The following USPL1 variants were observed in gnomAD, a reference collection of about 807,000 sequenced individuals.
The protein encoded by USPL1 is SUMO-specific isopeptidase USPL1.
In USPL1, 27 loss-of-function variants were observed where a neutral mutation model predicts 51.5. The ratio of observed to expected loss-of-function variants is 0.52; its 90% CI spans 0.39 to 0.72. The LOEUF (loss-of-function observed/expected upper bound fraction) is 0.72, where lower values mean the gene tolerates loss of function less well. Ranked by LOEUF, USPL1 falls within the 30% of genes least tolerant of loss-of-function variation. The pLI, the probability that USPL1 is intolerant of heterozygous loss-of-function variation, is 0.00. For missense variants in USPL1, 1,226 were observed against 1,268.0 expected (o/e 0.97, Z 0.50); for synonymous variants, 451 against 459.6 (o/e 0.98, Z 0.24).
intron 3 of USPL1, among the ~76,000 whole-genome samples, chr13:30,622,275 T>A (rs1336216175): frequency 6.6e-6 from 1 of 152,138 alleles, no homozygotes; most frequent in Non-Finnish European, 1.5e-5. Context: ...TTTTGGAAAT[T>A]GGTTAGTCCA....
chr13:30,658,245 CTAATT>C lies in USPL1; in HGVS notation c.2170_2174del (p.Asn724GlufsTer15), dbSNP rs1951195944. ...CCAGAACGTGTCACATCTCAGGTAT[CTAATT>C]TGAAGAAAAAAGAAACTACAGCAGA... On this transcript the variant is annotated frameshift_variant, in exon 9 of 9. Coordinates refer to ENST00000255304, the MANE Select transcript of USPL1 (RefSeq NM_005800.5). LOFTEE classifies it low-confidence loss of function (END_TRUNC). 1 of 1,612,432 alleles carries C rather than the reference CTAATT, an allele frequency of 6.2e-7. No individual in the cohort carries two copies. The highest frequency in any genetic ancestry group is 8.5e-7 in the Non-Finnish European group (1 of 1,179,752).
At chr13:30,651,551 A>G (rs1951092316) in intron 7 of USPL1, among the ~76,000 whole-genome samples, 1 of 152,238 alleles carries the variant, frequency 6.6e-6, no homozygotes, top group Non-Finnish European at 1.5e-5. Flanking sequence ...GTGTAAACTT[A>G]TGTAAAGGCA....
intron 2 of USPL1, 45 bp downstream of exon 2, chr13:30,621,284 T>TC: frequency 1.4e-6 from 2 of 1,409,070 alleles, no homozygotes; most frequent in South Asian, 1.3e-5. Flanking sequence ...TTTTTTTTTT[T>TC]CTCTATTTTT....
intron 4 of USPL1, among the ~76,000 whole-genome samples, chr13:30,636,832 A>G (rs1480689669): frequency 6.6e-6 from 1 of 152,204 alleles, no homozygotes; most frequent in African/African-American, 2.4e-5. Flanking sequence ...CCCAGGAGTT[A>G]ATGACCAGCC....
intron 3 of USPL1, among the ~76,000 whole-genome samples, chr13:30,623,525 T>A (rs1270172529): frequency 6.6e-6 from 1 of 152,048 alleles, no homozygotes; most frequent in Non-Finnish European, 1.5e-5. Context: ...TGAATTATAT[T>A]TGGTCCTTGT....
chr13:30,626,872 A>G (rs1950723890), intron 3 of USPL1, among the ~76,000 whole-genome samples: 1 of 152,042 alleles, frequency 6.6e-6, no homozygotes, highest in African/African-American at 2.4e-5. Context: ...AACCCATGAA[A>G]TTTATAATAA....
intron 4 of USPL1, among the ~76,000 whole-genome samples, chr13:30,631,817 A>G (rs1164042913): frequency 6.6e-6 from 1 of 152,116 alleles, no homozygotes; most frequent in African/African-American, 2.4e-5. Flanking sequence ...TAAAAATATT[A>G]ATGTTGAGTT....
Position 30,658,835 on chromosome 13 carries a change from C to G in USPL1, c.2758C>G (p.Leu920Val), listed in dbSNP as rs755447514. The G allele has an allele frequency of 2.5e-6, 4 of 1,613,928 alleles. No individual in the cohort carries two copies. The highest frequency in any genetic ancestry group is 3.4e-6 in the Non-Finnish European group (4 of 1,180,036). Residue 920 changes from leucine (L) to valine (V), a missense_variant, in exon 9 of 9, where the codon CTA becomes GTA. Physicochemically the swap from Leu to Val is conservative, Grantham distance 32. Coordinates refer to ENST00000255304, the MANE Select transcript of USPL1 (RefSeq NM_005800.5). Reference protein sequence around the residue: ...PQSRTVRSENLEQVPQDGSPN... With the variant: ...PQSRTVRSENVEQVPQDGSPN... ...AAGCAGAACAGTTCGAAGTGAAAATCTAGAACAGGTGCCCCAGGATGGGTC... is the reference window on the plus strand; with the variant it reads ...AAGCAGAACAGTTCGAAGTGAAAATGTAGAACAGGTGCCCCAGGATGGGTC...
intron 1 of USPL1, among the ~76,000 whole-genome samples, chr13:30,620,808 A>G (rs971096223): frequency 2.0e-5 from 3 of 152,190 alleles, no homozygotes; most frequent in African/African-American, 7.2e-5. Context: ...AGCTGCCTCT[A>G]CTACAAGTTT....
At position 30,647,014 on chromosome 13, in the gene USPL1, A is replaced by C. The variant is rs148072265; in HGVS notation, c.1195A>C (p.Asn399His). 220 of 1,613,544 alleles carry C rather than the reference A, an allele frequency of 1.4e-4. No individual in the cohort carries two copies. The African/African-American group carries it at 2.6e-3, about 19-fold the overall frequency. ...TGCTGCCCATTTTGGTCCATGTAAC[A>C]ATTGCAACAGTAAATCACAAATAAG... Reference protein sequence around the residue: ...LNAAHFGPCNNCNSKSQIRKM... With the variant: ...LNAAHFGPCNHCNSKSQIRKM... Residue 399 changes from asparagine to histidine, a missense_variant, in exon 7 of 9, where the codon AAT becomes CAT. By Grantham distance (68) the Asn-to-His change is moderately conservative (BLOSUM62 1). Coordinates refer to ENST00000255304, the MANE Select transcript of USPL1 (RefSeq NM_005800.5).
intron 8 of USPL1, 72 bp downstream of exon 8, chr13:30,653,377 G>T (rs2137714019): frequency 2.1e-6 from 3 of 1,419,464 alleles, no homozygotes; most frequent in Admixed American, 4.9e-5. Context: ...GGACTTTTTG[G>T]TTTTTGTTTT....
At chr13:30,625,983 A>C (rs1950710034) in intron 3 of USPL1, among the ~76,000 whole-genome samples, 1 of 152,074 alleles carries the variant, frequency 6.6e-6, no homozygotes, top group African/African-American at 2.4e-5. Flanking sequence ...TGTTTTTTAA[A>C]TGGTTAGGAA....
In USPL1 at chr13:30,658,662, A is replaced by C; in HGVS notation, c.2585A>C (p.Gln862Pro). ...TCTGGAAGCACCTCATGTGGAGCTCAACTCAACCACAGTTCTTATGGGAAT... is the reference window on the plus strand; with the variant it reads ...TCTGGAAGCACCTCATGTGGAGCTCCACTCAACCACAGTTCTTATGGGAAT... Reference protein sequence around the residue: ...EKSGSTSCGAQLNHSSYGNGI... With the variant: ...EKSGSTSCGAPLNHSSYGNGI... Residue 862 changes from glutamine (Q) to proline (P), a missense_variant, in exon 9 of 9, where the codon CAA (glutamine) becomes CCA (proline). Physicochemically the swap from Gln to Pro is moderately conservative, Grantham distance 76 (BLOSUM62 -1). Coordinates refer to ENST00000255304, the MANE Select transcript of USPL1 (RefSeq NM_005800.5). 1.2e-6 allele frequency: 2 copies of C among 1,614,218 alleles called. No homozygotes were observed. Among genetic ancestry groups the C allele is most frequent in the Non-Finnish European group, 1.7e-6 (2 of 1,180,044 alleles).
chr13:30,624,942 C>A (rs183548314), intron 3 of USPL1, among the ~76,000 whole-genome samples: 4 of 152,322 alleles, frequency 2.6e-5, no homozygotes, highest in African/African-American at 9.6e-5. Context: ...AACCTTTTGT[C>A]TTCCCTTACC....
chr13:30,640,671 C>A (rs1042176542), intron 5 of USPL1, among the ~76,000 whole-genome samples: 1 of 152,174 alleles, frequency 6.6e-6, no homozygotes, highest in African/African-American at 2.4e-5. Context: ...ACCTGAGCAA[C>A]AAGTGCGAAA....
chr13:30,646,374 A>C (rs138356307), intron 6 of USPL1, among the ~76,000 whole-genome samples: 164 of 152,258 alleles, frequency 1.1e-3, no homozygotes, highest in Admixed American at 8.2e-3. Context: ...TTAAGGATTA[A>C]AAAAAGTTAA....
At chr13:30,648,695 CT>C (rs1335462471) in intron 7 of USPL1, among the ~76,000 whole-genome samples, 2 of 152,070 alleles carry the variant, frequency 1.3e-5, no homozygotes, top group African/African-American at 4.8e-5. Context: ...TTTCTTTGTC[CT>C]TTTGGACTCA....
At chr13:30,629,883 G>A (rs945305924) in intron 3 of USPL1, among the ~76,000 whole-genome samples, 22 of 152,214 alleles carry the variant, frequency 1.4e-4, no homozygotes, top group Non-Finnish European at 2.8e-4. Flanking sequence ...GAATTACCAG[G>A]AGGTGTAGTT....
chr13:30,623,665 G>A (rs908673314), intron 3 of USPL1, among the ~76,000 whole-genome samples: 1 of 152,196 alleles, frequency 6.6e-6, no homozygotes, highest in East Asian at 1.9e-4. Context: ...TGGAGCCGTA[G>A]ATAGCCTCAG....
Sources: allele counts gnomAD v4.1 joint callset (sites outside exome capture counted in the v4.1 genomes callset), GRCh38; gene constraint gnomAD v4.1.1; transcripts MANE v1.5; gene names NCBI Gene and HGNC (gene_info 2026-07-23, HGNC 2026-07-21).